Variants in PKIB observed in about 807,000 individuals in gnomAD.
PKIB encodes PKI-beta.
In PKIB, 2 loss-of-function variants were observed where a neutral mutation model predicts 4.5. The ratio of observed to expected loss-of-function variants is 0.44; its 90% CI spans 0.18 to 1.39. The LOEUF (loss-of-function observed/expected upper bound fraction) is 1.39, where lower values mean the gene tolerates loss of function less well. PKIB is among the 40% of genes most tolerant of loss of function. The pLI is 0.27. For missense variants in PKIB, 94 were observed against 92.6 expected (o/e 1.02, Z -0.06); for synonymous variants, 38 against 36.0 (o/e 1.06, Z -0.20).
At chr6:122,703,829 A>G (rs1414255083) in intron 3 of PKIB, among the ~76,000 whole-genome samples, 1 of 150,142 alleles carries the variant, frequency 6.7e-6, no homozygotes, top group Non-Finnish European at 1.5e-5. Flanking sequence ...AGCTATATAT[A>G]CACACATATA....
chr6:122,605,775 GAT>G (rs1209191052), upstream of PKIB, among the ~76,000 whole-genome samples: 1 of 152,164 alleles, frequency 6.6e-6, no homozygotes, highest in Non-Finnish European at 1.5e-5. Context: ...CCCCAAGGCA[GAT>G]AGCTACTCTC....
At chr6:122,691,608 T>C (rs1222474813) in intron 3 of PKIB, among the ~76,000 whole-genome samples, 1 of 93,042 alleles carries the variant, frequency 1.1e-5, no homozygotes, top group Non-Finnish European at 3.0e-5. Context: ...TTATCTTGAT[T>C]TTTTTTTTAA....
chr6:122,572,498 A>G (rs1337130938), intron 2 of PKIB, among the ~76,000 whole-genome samples: 4 of 152,162 alleles, frequency 2.6e-5, no homozygotes, highest in African/African-American at 9.6e-5. Flanking sequence ...GAAAGCTAAT[A>G]GTATTAAATG....
In PKIB at chr6:122,715,030, T is replaced by C. The variant is rs1377179888; in HGVS notation, c.-8-2757T>C. 2.0e-5 allele frequency among the ~76,000 whole-genome samples: 3 copies of C among 150,994 alleles called. No homozygotes were observed. In the South Asian group the frequency reaches 6.3e-4, roughly 32 times the overall value. On this transcript the variant is annotated intron_variant, in intron 3 of 4. Transcript: ENST00000368452. ...TCAAACTTCTGGCCTCATGATCTGC[T>C]CACCTTGGCCTCCCAAAGTGCTGGG...
At chr6:122,718,638 GC>G (rs1376132777) in intron 4 of PKIB, among the ~76,000 whole-genome samples, 1 of 152,114 alleles carries the variant, frequency 6.6e-6, no homozygotes, top group East Asian at 1.9e-4. Context: ...CACGTTTTGT[GC>G]CCCATTTTAG....
At chr6:122,613,563 A>C (rs1233320819) in intron 1 of PKIB, among the ~76,000 whole-genome samples, 1 of 152,186 alleles carries the variant, frequency 6.6e-6, no homozygotes, top group African/African-American at 2.4e-5. Context: ...TATGTACTTT[A>C]AAAAAGTCAT....
At chr6:122,633,935 T>TATCTATCC (rs1775801220) in intron 2 of PKIB, among the ~76,000 whole-genome samples, 1 of 150,306 alleles carries the variant, frequency 6.7e-6, no homozygotes, top group Non-Finnish European at 1.5e-5. Flanking sequence ...CTGTCCTATC[T>TATCTATCC]ATCTATCTAT....
chr6:122,711,763 G>A (rs1338330906), intron 3 of PKIB, among the ~76,000 whole-genome samples: 3 of 152,080 alleles, frequency 2.0e-5, no homozygotes, highest in Non-Finnish European at 4.4e-5. Flanking sequence ...ATTCAGCTTT[G>A]TGCATTAATT....
intron 3 of PKIB, among the ~76,000 whole-genome samples, chr6:122,604,586 G>A (rs1188835032): frequency 1.3e-5 from 2 of 152,238 alleles, no homozygotes; most frequent in Admixed American, 1.3e-4. Flanking sequence ...TTAGTTGGAG[G>A]TGGATGGGTA....
chr6:122,535,408 A>G (rs9320877), intron 2 of PKIB, among the ~76,000 whole-genome samples: 21,162 of 152,174 alleles, frequency 0.14, 1,584 homozygotes, highest in East Asian at 0.26. Context: ...TATTACAATA[A>G]TTCTTTACTA....
chr6:122,573,014 A>T (rs372183355), intron 2 of PKIB, among the ~76,000 whole-genome samples: 1 of 152,184 alleles, frequency 6.6e-6, no homozygotes, highest in East Asian at 1.9e-4. Context: ...TCAGGACCAG[A>T]TGGATTCATA....
intron 3 of PKIB, among the ~76,000 whole-genome samples, chr6:122,698,100 T>A (rs1237206497): frequency 6.6e-6 from 1 of 152,102 alleles, no homozygotes; most frequent in Non-Finnish European, 1.5e-5. Context: ...CTATTCTTTA[T>A]CAGGGACATC....
rs61201088 is a variant in PKIB, at chr6:122,670,498, T to TTTGTTGTTGTTGTTGTTG, written c.-75-4568_-75-4551dup. Among the ~76,000 whole-genome samples the TTTGTTGTTGTTGTTGTTG allele has an allele frequency of 6.0e-3, 910 of 151,222 alleles. 3 individuals carry two copies. Among genetic ancestry groups the TTTGTTGTTGTTGTTGTTG allele is most frequent in the Middle Eastern group, 0.014 (4 of 294 alleles). ...TCTTTCTTATAAGGAATCACATGTT[T>TTTGTTGTTGTTGTTGTTG]TTGTTGTTGTTGTTGTTGTTGTTGT... On this transcript the variant is annotated intron_variant, in intron 2 of 4. Transcript: ENST00000368452.
chr6:122,551,132 G>T (rs1772663796), intron 2 of PKIB, among the ~76,000 whole-genome samples: 1 of 151,354 alleles, frequency 6.6e-6, no homozygotes, highest in African/African-American at 2.4e-5. Flanking sequence ...TCTCTTGTTA[G>T]CACTTAGTAT....
intron 2 of PKIB, among the ~76,000 whole-genome samples, chr6:122,582,121 T>C (rs1207649999): frequency 6.6e-6 from 1 of 152,074 alleles, no homozygotes; most frequent in Non-Finnish European, 1.5e-5. Flanking sequence ...TGTAGTTGCT[T>C]ATTTTTTGTC....
At chr6:122,703,180 G>T (rs1344734942) in intron 3 of PKIB, among the ~76,000 whole-genome samples, 2 of 152,068 alleles carry the variant, frequency 1.3e-5, no homozygotes, top group East Asian at 3.9e-4. Flanking sequence ...CATGCATATT[G>T]TCTATGTACT....
chr6:122,524,998 C>T (rs796999764), intron 2 of PKIB, among the ~76,000 whole-genome samples: 60 of 150,704 alleles, frequency 4.0e-4, no homozygotes, highest in African/African-American at 1.3e-3. Flanking sequence ...TTTTTTCCTT[C>T]TGCTAATTTT....
intron 2 of PKIB, among the ~76,000 whole-genome samples, chr6:122,568,602 C>T (rs2114687156): frequency 6.6e-6 from 1 of 152,318 alleles, no homozygotes; most frequent in Middle Eastern, 3.4e-3. Flanking sequence ...AAAGCCATTA[C>T]TGACTATATC....
intron 3 of PKIB, among the ~76,000 whole-genome samples, chr6:122,676,069 T>C (rs1777660305): frequency 6.6e-6 from 1 of 151,978 alleles, no homozygotes; most frequent in Non-Finnish European, 1.5e-5. Flanking sequence ...CATTGTAATA[T>C]ATAATGAAAT....
Sources: allele counts gnomAD v4.1 joint callset (sites outside exome capture counted in the v4.1 genomes callset), GRCh38; gene constraint gnomAD v4.1.1; transcripts MANE v1.5; gene names NCBI Gene and HGNC (gene_info 2026-07-23, HGNC 2026-07-21).